MUCL3: variants seen among roughly 807,000 people sequenced by gnomAD.
The protein encoded by MUCL3 is mucin-like protein 3.
MUCL3 carries 42 observed loss-of-function variants against 70.2 expected under a neutral mutation model. The observed-to-expected ratio is 0.60, with a 90% CI of 0.47 to 0.77. The LOEUF (loss-of-function observed/expected upper bound fraction) is 0.77. Among genes scored for constraint, MUCL3 ranks in the 30% least tolerant of loss-of-function variants. MUCL3 has a pLI of 0.00. For synonymous variants in MUCL3, 522 were observed against 647.0 expected, an observed-to-expected ratio of 0.81 and a Z score of 2.93; for missense variants, 1,429 against 1,670.0, an observed-to-expected ratio of 0.86 and a Z score of 2.52.
In MUCL3 at chr6:30,950,806, C is replaced by T; in HGVS notation, c.2342C>T (p.Thr781Ile). 1 of 1,550,484 alleles carries T rather than the reference C, an allele frequency of 6.4e-7. No homozygotes were observed. Among genetic ancestry groups the T allele is most frequent in the Non-Finnish European group, 8.7e-7 (1 of 1,146,868 alleles). Residue 781 changes from threonine to isoleucine, a missense_variant, in exon 2 of 3, where the codon ACA becomes ATA. Thr to Ile is a moderately conservative substitution (Grantham distance 89). Transcript: ENST00000462446. Reference protein sequence around the residue: ...EKTTPSLAEPTENGKRTPFAN... With the variant: ...EKTTPSLAEPIENGKRTPFAN... ...ACCACACCATCTCTAGCAGAGCCTA[C>T]AGAAAATGGAAAAAGGACCCCATTT...
rs1172353406 is a variant in MUCL3, at chr6:30,952,181, A to G, written c.3717A>G (p.Thr1239=). 2 of 1,614,180 alleles carry G rather than the reference A, an allele frequency of 1.2e-6. No homozygotes were observed. Among genetic ancestry groups the G allele is most frequent in the South Asian group, 1.1e-5 (1 of 91,072 alleles). The part of the protein sequence containing the change: ...TENPEKTAAV[T]KTIKPSVKVT... Reference sequence around the variant, plus strand: ...ACCCAGAAAAAACAGCAGCAGTCACAAAGACTATAAAACCTTCAGTCAAGG... The same window carrying G: ...ACCCAGAAAAAACAGCAGCAGTCACGAAGACTATAAAACCTTCAGTCAAGG... Residue 1239 remains threonine (T), a synonymous_variant, in exon 2 of 3, where the codon ACA becomes ACG. Transcript: ENST00000462446.
At position 30,952,260 on chromosome 6, in the gene MUCL3, G is replaced by A. The variant is rs772856191; in HGVS notation, c.3796G>A (p.Val1266Ile). The change falls in exon 2 of 3, where the codon GTT becomes ATT. Residue 1266 changes from valine to isoleucine, a missense_variant. Val to Ile is a conservative substitution (Grantham distance 29). Transcript: ENST00000462446. ...TTSSHLNKTE[V>I]THQVPTGSFT... The stretch of plus-strand genomic sequence containing the variant: ...CTCTTCTCATCTAAATAAAACTGAA[G>A]TTACTCATCAGGTGCCCACTGGTTC... 1 of 1,614,084 alleles carries A rather than the reference G, an allele frequency of 6.2e-7. No homozygotes were observed. Among genetic ancestry groups the A allele is most frequent in the Middle Eastern group, 1.6e-4 (1 of 6,062 alleles).
intron 1 of MUCL3, among the ~76,000 whole-genome samples, chr6:30,943,193 G>A (rs1398094428): frequency 1.3e-5 from 2 of 152,204 alleles, no homozygotes. Flanking sequence ...TCAACACCCA[G>A]ACAGATAACT....
At chr6:30,952,556 C>T (rs1760765534) in intron 2 of MUCL3, 57 bp downstream of exon 2, 12 of 1,508,110 alleles carry the variant, frequency 8.0e-6, no homozygotes, top group Non-Finnish European at 9.8e-6. Context: ...ATTGAGGATA[C>T]ATTAGGGGTC....
intron 2 of MUCL3, among the ~76,000 whole-genome samples, chr6:30,952,753 G>A (rs1344438814): frequency 6.6e-6 from 1 of 152,090 alleles, no homozygotes; most frequent in Non-Finnish European, 1.5e-5. Flanking sequence ...GTGGGGGGTG[G>A]AGAGTCTGGG....
In MUCL3 at chr6:30,948,546, G is replaced by C. The variant is rs1367013022; in HGVS notation, c.83-1G>C. 3 of 1,523,236 alleles carry C rather than the reference G, an allele frequency of 2.0e-6. No individual in the cohort carries two copies. Among genetic ancestry groups the C allele is most frequent in the Non-Finnish European group, 2.6e-6 (3 of 1,135,894 alleles). 94.4% of individuals were successfully genotyped at this position (1,523,236 alleles called of 1,614,324 possible). On this transcript the variant is annotated splice_acceptor_variant, in intron 1 of 2. Transcript: ENST00000462446. LOFTEE classifies it high-confidence loss of function. Reference sequence around the variant, plus strand: ...TCTTATTTGCCTCTCTCCCTCCACAGGTGCTACTACATTCCAAGAATATCA... The same window carrying C: ...TCTTATTTGCCTCTCTCCCTCCACACGTGCTACTACATTCCAAGAATATCA...
Position 30,948,567 on chromosome 6 carries a change from T to C in MUCL3, c.103T>C (p.Tyr35His). ...CACAGGTGCTACTACATTCCAAGAA[T>C]ATCAGAAAACTGGGGAACTCTCAAC... ...WGAGATTFQE[Y>H]QKTGELSTSD... The change falls in exon 2 of 3, where the codon TAT (tyrosine) becomes CAT (histidine). Residue 35 changes from tyrosine to histidine, a missense_variant. Transcript: ENST00000462446. 2.0e-6 allele frequency: 3 copies of C among 1,537,230 alleles called. No individual in the cohort carries two copies. The highest frequency in any genetic ancestry group is 2.6e-6 in the Non-Finnish European group (3 of 1,142,160).
intron 1 of MUCL3, chr6:30,946,134 G>C (rs568572927): frequency 3.3e-5 from 5 of 152,368 alleles, no homozygotes; most frequent in African/African-American, 7.2e-5. Context: ...AGCAGGCAGG[G>C]GGGTAGGGCT....
Position 30,948,747 on chromosome 6 carries a change from C to T in MUCL3, c.283C>T (p.Pro95Ser). 14 of 1,551,564 alleles carry T rather than the reference C, an allele frequency of 9.0e-6. No homozygotes were observed. The highest frequency in any genetic ancestry group is 1.2e-5 in the Non-Finnish European group (14 of 1,146,968). ...CTGCAACACCACACGCCATTCTAAGCCAACTGACAAGCCTACAGGCAACTC... is the reference window on the plus strand; with the variant it reads ...CTGCAACACCACACGCCATTCTAAGTCAACTGACAAGCCTACAGGCAACTC... Reference protein sequence around the residue: ...RHCNTTRHSKPTDKPTGNSKT... With the variant: ...RHCNTTRHSKSTDKPTGNSKT... The change falls in exon 2 of 3, where the codon CCA becomes TCA. Residue 95 changes from proline to serine, a missense_variant. Pro to Ser is a moderately conservative substitution (Grantham distance 74, BLOSUM62 -1). Coordinates refer to ENST00000462446, the MANE Select transcript of MUCL3 (RefSeq NM_080870.4).
At position 30,949,680 on chromosome 6, in the gene MUCL3, A is replaced by C; in HGVS notation, c.1216A>C (p.Thr406Pro). The C allele has an allele frequency of 1.3e-6, 2 of 1,549,952 alleles. No individual in the cohort carries two copies. The highest frequency in any genetic ancestry group is 1.7e-6 in the Non-Finnish European group (2 of 1,146,200). The change falls in exon 2 of 3, where the codon ACC (threonine) becomes CCC (proline). Residue 406 changes from threonine to proline, a missense_variant. Physicochemically the swap from Thr to Pro is conservative, Grantham distance 38. Coordinates refer to ENST00000462446, the MANE Select transcript of MUCL3 (RefSeq NM_080870.4). ...AGAGCCTACAGAACATGGAGAAAGG[A>C]CCCCATTTGCCAATGACAAAACCAC... The part of the protein sequence containing the change: ...PAEPTEHGER[T>P]PFANDKTTSS...
rs569285052 is a variant in MUCL3 at position 30,948,508 on chromosome 6, C to A, written c.83-39C>A. ...GTGGGAAGGGGGAGTTGGAGAAGAA[C>A]ATGGGGGAAGTTTCTTATTTGCCTC... On this transcript the variant is annotated intron_variant, in intron 1 of 2. Coordinates refer to ENST00000462446, the MANE Select transcript of MUCL3 (RefSeq NM_080870.4). The A allele has an allele frequency of 2.4e-4, 350 of 1,441,488 alleles. 5 individuals carry two copies. The South Asian group carries it at 4.3e-3, about 18-fold the overall frequency. The allele number at this position is 1,441,488 out of a possible 1,614,324, so 89.3% of individuals were successfully genotyped here.
At position 30,949,664 on chromosome 6, in the gene MUCL3, A is replaced by G. The variant is rs1290857412; in HGVS notation, c.1200A>G (p.Thr400=). The change falls in exon 2 of 3, where the codon ACA becomes ACG. Residue 400 remains threonine, a synonymous_variant. Transcript: ENST00000462446. ...CTACACCATCCCCAGCAGAGCCTAC[A>G]GAACATGGAGAAAGGACCCCATTTG... ...ENTTPSPAEP[T]EHGERTPFAN... is the part of the protein sequence containing the mutation. 6.5e-7 allele frequency: 1 copy of G among 1,548,842 alleles called. No homozygotes were observed. Among genetic ancestry groups the G allele is most frequent in the Admixed American group, 2.0e-5 (1 of 50,840 alleles).
chr6:30,949,276 A>G lies in MUCL3; in HGVS notation c.812A>G (p.Glu271Gly), dbSNP rs1404961171. The change falls in exon 2 of 3, where the codon GAG becomes GGG. Residue 271 changes from glutamate to glycine, a missense_variant. Coordinates refer to ENST00000462446, the MANE Select transcript of MUCL3 (RefSeq NM_080870.4). Reference sequence around the variant, plus strand: ...ACAAAAACTACAAAAAACATACAAGAGACCATATCAGCCAATGAGCTCACA... The same window carrying G: ...ACAAAAACTACAAAAAACATACAAGGGACCATATCAGCCAATGAGCTCACA... ...LLTKTTKNIQETISANELTQS... is the reference protein window; with the variant it reads ...LLTKTTKNIQGTISANELTQS... 1 of 1,551,218 alleles carries G rather than the reference A, an allele frequency of 6.4e-7. No homozygotes were observed. Among genetic ancestry groups the G allele is most frequent in the Admixed American group, 2.0e-5 (1 of 50,866 alleles).
Position 30,951,454 on chromosome 6 carries a change from C to T in MUCL3, c.2990C>T (p.Ser997Phe). 6.4e-7 allele frequency: 1 copy of T among 1,551,622 alleles called. No homozygotes were observed. Among genetic ancestry groups the T allele is most frequent in the South Asian group, 1.2e-5 (1 of 84,008 alleles). The change falls in exon 2 of 3, where the codon TCC (serine) becomes TTC (phenylalanine). Residue 997 changes from serine (S) to phenylalanine (F), a missense_variant. Physicochemically the swap from Ser to Phe is radical, Grantham distance 155 (BLOSUM62 -2). Coordinates refer to ENST00000462446, the MANE Select transcript of MUCL3 (RefSeq NM_080870.4). ...TPLANENTTT[S>F]PTESTEHGER... is the part of the protein sequence containing the mutation. ...CTGGCCAATGAGAACACCACAACATCCCCAACAGAGTCTACAGAACATGGA... is the reference window on the plus strand; with the variant it reads ...CTGGCCAATGAGAACACCACAACATTCCCAACAGAGTCTACAGAACATGGA...
At position 30,949,520 on chromosome 6, in the gene MUCL3, G is replaced by C; in HGVS notation, c.1056G>C (p.Glu352Asp). ...PTENREMTANENTTLFPAEPT... is the reference protein window; with the variant it reads ...PTENREMTANDNTTLFPAEPT... ...AAAATAGAGAAATGACAGCCAATGAGAATACCACACTATTCCCAGCAGAGC... is the reference window on the plus strand; with the variant it reads ...AAAATAGAGAAATGACAGCCAATGACAATACCACACTATTCCCAGCAGAGC... The change falls in exon 2 of 3, where the codon GAG becomes GAC. Residue 352 changes from glutamate (E) to aspartate (D), a missense_variant. Coordinates refer to ENST00000462446, the MANE Select transcript of MUCL3 (RefSeq NM_080870.4). 1 of 1,548,336 alleles carries C rather than the reference G, an allele frequency of 6.5e-7. No individual in the cohort carries two copies. The highest frequency in any genetic ancestry group is 8.7e-7 in the Non-Finnish European group (1 of 1,146,546).
At chr6:30,941,560 A>G (rs1032264711) in intron 1 of MUCL3, among the ~76,000 whole-genome samples, 13 of 150,466 alleles carry the variant, frequency 8.6e-5, no homozygotes, top group African/African-American at 3.2e-4. Context: ...CCCGGGTTCA[A>G]GCGATTCTTC....
chr6:30,952,711 G>C (rs1175101259), intron 2 of MUCL3, among the ~76,000 whole-genome samples: 2 of 152,156 alleles, frequency 1.3e-5, no homozygotes, highest in East Asian at 3.8e-4. Context: ...ACAAGGCTGT[G>C]GCTGAGAATG....
In MUCL3 at chr6:30,950,878, C is replaced by T. The variant is rs745362149; in HGVS notation, c.2414C>T (p.Ala805Val). Residue 805 changes from alanine to valine, a missense_variant, in exon 2 of 3, where the codon GCA becomes GTA. Ala to Val is a moderately conservative substitution (Grantham distance 64). Coordinates refer to ENST00000462446, the MANE Select transcript of MUCL3 (RefSeq NM_080870.4). Reference protein sequence around the residue: ...TSSSAEPTEHAERTPLANENT... With the variant: ...TSSSAEPTEHVERTPLANENT... ...TCCTCAGCAGAGCCTACAGAACACG[C>T]AGAAAGGACTCCACTGGCCAATGAG... 1.6e-5 allele frequency: 25 copies of T among 1,525,190 alleles called. No homozygotes were observed. The highest frequency in any genetic ancestry group is 6.1e-5 in the African/African-American group (4 of 65,256). 94.5% of individuals were successfully genotyped at this position (1,525,190 alleles called of 1,614,324 possible). A position where few individuals can be genotyped will look rare whatever the true frequency, so the allele number is the denominator to read the frequency against.
chr6:30,951,053 T>C lies in MUCL3; in HGVS notation c.2589T>C (p.Asn863=), dbSNP rs750514533. ...TTPFPAEPTE[N]REWTANENTT... ...CATTCCCAGCAGAGCCTACAGAAAA[T>C]AGAGAATGGACAGCCAATGAGAACA... The change falls in exon 2 of 3, where the codon AAT becomes AAC. Residue 863 remains asparagine, a synonymous_variant. Transcript: ENST00000462446. 2.6e-6 allele frequency: 4 copies of C among 1,542,820 alleles called. No homozygotes were observed. The highest frequency in any genetic ancestry group is 1.4e-5 in the African/African-American group (1 of 69,024).
Sources: allele counts gnomAD v4.1 joint callset (sites outside exome capture counted in the v4.1 genomes callset), GRCh38; gene constraint gnomAD v4.1.1; transcripts MANE v1.5; gene names NCBI Gene and HGNC (gene_info 2026-07-23, HGNC 2026-07-21).